The following PRH1 variants were observed in gnomAD, a reference collection of about 807,000 sequenced individuals.
The protein encoded by PRH1 is salivary acidic proline-rich phosphoprotein 1/2.
Under a neutral mutation model 7.9 loss-of-function variants are expected in PRH1, and 7 were observed. The observed-to-expected ratio is 0.89, with a 90% CI of 0.50 to 1.67. PRH1 has a LOEUF of 1.67. PRH1 is among the 40% of genes most tolerant of loss of function. The probability of loss-of-function intolerance (pLI) is 0.00; values close to 1 mark genes in which losing one functional copy is unlikely to be tolerated. For synonymous variants in PRH1, 45 were observed against 80.8 expected (o/e 0.56, Z 2.38); for missense variants, 109 against 223.6 (o/e 0.49, Z 3.27).
chr12:11,153,285 T>G (rs1947156333), intron 1 of PRH1, among the ~76,000 whole-genome samples: 1 of 152,152 alleles, frequency 6.6e-6, no homozygotes, highest in Non-Finnish European at 1.5e-5. Flanking sequence ...AACATAACAT[T>G]CCTACGACTG....
At chr12:10,975,916 A>G (rs1191041297) in intron 1 of PRH1, among the ~76,000 whole-genome samples, 2 of 152,216 alleles carry the variant, frequency 1.3e-5, no homozygotes, top group African/African-American at 4.8e-5. Context: ...ACCCAGATTC[A>G]TAATGCAAGT....
chr12:11,133,419 G>T (rs1297057935), intron 1 of PRH1: 7 of 1,613,932 alleles, frequency 4.3e-6, no homozygotes, highest in Non-Finnish European at 5.9e-6. Flanking sequence ...AGGATGAATG[G>T]GTGGGTTGAA....
rs1944313216 is a variant in PRH1 at position 11,076,908 on chromosome 12, T to C, written n.124-29720A>G. 3 of 115,160 alleles carry C rather than the reference T, an allele frequency of 2.6e-5. 1 individual carries two copies. The highest frequency in any genetic ancestry group is 8.7e-5 in the African/African-American group (3 of 34,606). The allele number at this position is 115,160 out of a possible 1,614,324, so 7.1% of individuals were successfully genotyped here. A position where few individuals can be genotyped will look rare whatever the true frequency, so the allele number is the denominator to read the frequency against. ...TCTCATCATTGATTTAATATTAAAC[T>C]TCTTTACCATCCAAACAATTAGGGG... is the stretch of plus-strand genomic sequence containing the variant. On this transcript the variant is annotated intron_variant and non_coding_transcript_variant, in intron 1 of 4. Coordinates refer to the PRH1 transcript ENST00000541977.
intron 1 of PRH1, among the ~76,000 whole-genome samples, chr12:11,052,929 T>A (rs74905348): frequency 0.074 from 8,738 of 117,954 alleles, no homozygotes; most frequent in East Asian, 0.12. Context: ...TTTTGATTTT[T>A]TGTTTTTTGT....
At chr12:11,072,239 T>C (rs1944104977) in intron 1 of PRH1, among the ~76,000 whole-genome samples, 2 of 152,168 alleles carry the variant, frequency 1.3e-5, no homozygotes, top group Admixed American at 1.3e-4. Flanking sequence ...TTCCCAACTG[T>C]GCCTACCAAA....
At chr12:11,100,652 T>C (rs1003846044) in intron 1 of PRH1, among the ~76,000 whole-genome samples, 4 of 152,242 alleles carry the variant, frequency 2.6e-5, no homozygotes, top group East Asian at 3.8e-4. Context: ...TAAAACTTTA[T>C]CAAAAAATGA....
At chr12:11,091,562 A>C (rs761291696) in intron 1 of PRH1, 3 of 1,428,010 alleles carry the variant, frequency 2.1e-6, no homozygotes, top group Non-Finnish European at 2.9e-6. Flanking sequence ...TTTTATGTGG[A>C]CCTTGGTGCT....
chr12:11,082,961 G>A (rs1383004980), intron 1 of PRH1, among the ~76,000 whole-genome samples: 19 of 101,050 alleles, frequency 1.9e-4, no homozygotes, highest in Non-Finnish European at 3.1e-4. Context: ...AGTCAAAGTA[G>A]TTACACTACA....
intron 2 of PRH1, chr12:10,938,764 T>C: frequency 6.2e-7 from 1 of 1,613,830 alleles, no homozygotes; most frequent in Non-Finnish European, 8.5e-7. Flanking sequence ...TATGGATGTT[T>C]ATCAGTGCAA....
At chr12:11,031,011 T>G in intron 1 of PRH1, 1 of 1,614,310 alleles carries the variant, frequency 6.2e-7, no homozygotes, top group South Asian at 1.1e-5. Flanking sequence ...TTGGCAATCT[T>G]GAGCAAATAA....
At chr12:11,158,568 C>T (rs2136447290) in intron 1 of PRH1, among the ~76,000 whole-genome samples, 1 of 152,124 alleles carries the variant, frequency 6.6e-6, no homozygotes, top group East Asian at 1.9e-4. Flanking sequence ...TATTAGCAGG[C>T]ATTATTATAG....
At chr12:11,078,291 C>G (rs79374267) in intron 1 of PRH1, 55,591 of 188,348 alleles carry the variant, frequency 0.3, 8,160 homozygotes, top group Admixed American at 0.34. Flanking sequence ...AACACTGGTT[C>G]TGATACCCTT....
chr12:11,033,647 A>G (rs940899287), intron 1 of PRH1, among the ~76,000 whole-genome samples: 7 of 152,192 alleles, frequency 4.6e-5, no homozygotes, highest in African/African-American at 1.4e-4. Context: ...TGGGGGTGGC[A>G]GATAACATCA....
chr12:10,975,930 T>C (rs1939073096), intron 1 of PRH1, among the ~76,000 whole-genome samples: 1 of 152,120 alleles, frequency 6.6e-6, no homozygotes, highest in Non-Finnish European at 1.5e-5. Context: ...TGCAAGTTCT[T>C]AGAGACCTAT....
chr12:11,114,016 A>C lies in PRH1; in HGVS notation n.123+57406T>G, dbSNP rs528258620. On this transcript the variant is annotated intron_variant and non_coding_transcript_variant, in intron 1 of 4. Coordinates refer to the PRH1 transcript ENST00000541977. ...AAAGTCAGGAAACAACAGATGCTGG[A>C]GAGTAGGTGGAGAAATAGGAATGCT... Among the ~76,000 whole-genome samples the C allele has an allele frequency of 6.6e-5, 10 of 152,304 alleles. 1 individual carries two copies. The South Asian group carries it at 2.1e-3, about 32-fold the overall frequency.
intron 1 of PRH1, among the ~76,000 whole-genome samples, chr12:11,039,170 G>C (rs1942588463): frequency 6.6e-6 from 1 of 152,210 alleles, no homozygotes; most frequent in Admixed American, 6.5e-5. Flanking sequence ...TTGAAAAAAT[G>C]ATTGGTAGTA....
chr12:11,170,949 T>A (rs1947816854), intron 1 of PRH1, among the ~76,000 whole-genome samples: 1 of 152,244 alleles, frequency 6.6e-6, no homozygotes, highest in Non-Finnish European at 1.5e-5. Context: ...ATTCCTAACA[T>A]CCCACATAAC....
intron 1 of PRH1, among the ~76,000 whole-genome samples, chr12:11,101,798 T>C (rs1945259240): frequency 6.6e-6 from 1 of 152,184 alleles, no homozygotes; most frequent in East Asian, 1.9e-4. Flanking sequence ...GAAAACCTAA[T>C]CTTCTCTGCC....
At chr12:10,997,088 A>G (rs370523163) in intron 1 of PRH1, 5 of 1,613,982 alleles carry the variant, frequency 3.1e-6, no homozygotes, top group South Asian at 2.2e-5. Context: ...AGCTTGGCAA[A>G]GCATTAAGAC....
Sources: allele counts gnomAD v4.1 joint callset (sites outside exome capture counted in the v4.1 genomes callset), GRCh38; gene constraint gnomAD v4.1.1; transcripts MANE v1.5; gene names NCBI Gene and HGNC (gene_info 2026-07-23, HGNC 2026-07-21).